SLCO3A1: variants seen among roughly 807,000 people sequenced by gnomAD.
SLCO3A1 encodes the protein solute carrier organic anion transporter family member 3A1.
Under a neutral mutation model 63.1 loss-of-function variants are expected in SLCO3A1, and 27 were observed. The ratio of observed to expected loss-of-function variants is 0.43; its 90% CI spans 0.32 to 0.59. The LOEUF (loss-of-function observed/expected upper bound fraction) is 0.59, where lower values mean the gene tolerates loss of function less well. SLCO3A1 is among the 20% of genes least tolerant of loss of function. The pLI is 0.09. For missense variants in SLCO3A1, 773 were observed against 945.8 expected (o/e 0.82, Z 2.40); for synonymous variants, 473 against 409.9 (o/e 1.15, Z -1.86).
chr15:91,911,977 A>AT (rs542970276), intron 1 of SLCO3A1, among the ~76,000 whole-genome samples: 11,809 of 147,872 alleles, frequency 0.08, 597 homozygotes, highest in Non-Finnish European at 0.11. Context: ...ATGCAAGCTG[A>AT]TTTTTTTTTT....
intron 2 of SLCO3A1, among the ~76,000 whole-genome samples, chr15:92,003,828 G>A (rs17596793): frequency 0.041 from 6,220 of 152,248 alleles, 191 homozygotes; most frequent in Non-Finnish European, 0.054. Context: ...TCGGATCACA[G>A]CCCTTGGCAG....
Position 92,128,384 on chromosome 15 carries a change from G to A in SLCO3A1, c.1407G>A (p.Ser469=), listed in dbSNP as rs149300624. The change falls in exon 7 of 10, where the codon TCG becomes TCA. Residue 469 remains serine (S), a synonymous_variant. Coordinates refer to ENST00000318445, the MANE Select transcript of SLCO3A1 (RefSeq NM_013272.4). ...TAPGSALDPY[S]PCNNNCECQT... is the part of the protein sequence containing the mutation. ...CTGGCTCAGCCCTGGACCCCTACTC[G>A]CCCTGCAATAATAACTGTGAATGCC... 180 of 1,614,054 alleles carry A rather than the reference G, an allele frequency of 1.1e-4. 1 individual carries two copies. In the African/African-American group the frequency reaches 1.2e-3, roughly 10 times the overall value.
rs1469515310 is a variant in SLCO3A1, at chr15:91,882,532, T to C, written c.180+28444T>C. On this transcript the variant is annotated intron_variant, in intron 1 of 9. Coordinates refer to ENST00000318445, the MANE Select transcript of SLCO3A1 (RefSeq NM_013272.4). The surrounding 1 kb of genome is among the most constrained non-coding windows in gnomAD (Gnocchi z 4.4). ...CTATGTATGACTTCTTTTTTTTCCT[T>C]GAGATGGAGTTTCACTCTGTCGCCC... Among the ~76,000 whole-genome samples, 1 of 151,852 alleles carries C rather than the reference T, an allele frequency of 6.6e-6. No homozygotes were observed. The highest frequency in any genetic ancestry group is 1.5e-5 in the Non-Finnish European group (1 of 67,966).
intron 2 of SLCO3A1, among the ~76,000 whole-genome samples, chr15:91,960,640 T>C (rs1900410822): frequency 6.6e-6 from 1 of 152,202 alleles, no homozygotes; most frequent in Non-Finnish European, 1.5e-5. Context: ...GAGTAATTTA[T>C]TCTTTTCTCA....
chr15:91,968,255 T>C lies in SLCO3A1; in HGVS notation c.646+51797T>C, dbSNP rs774673281. Among the ~76,000 whole-genome samples, 3 of 152,040 alleles carry C rather than the reference T, an allele frequency of 2.0e-5. No individual in the cohort carries two copies. The highest frequency in any genetic ancestry group is 1.3e-4 in the Admixed American group (2 of 15,270). ...ATGCCCCCTCCCTACCTTACAGTCT[T>C]TTACTTCTCCACCTGGGGAAAACAG... On this transcript the variant is annotated intron_variant, in intron 2 of 9. Coordinates refer to ENST00000318445, the MANE Select transcript of SLCO3A1 (RefSeq NM_013272.4). This position sits in a 1 kb window ranked among gnomAD's most constrained non-coding sequence, Gnocchi z 4.2.
Position 91,940,780 on chromosome 15 carries a change from A to G in SLCO3A1, c.646+24322A>G, listed in dbSNP as rs1041921058. ...ATGCCCTGTGTAAATCCCCCTTTCT[A>G]TGGGGAGATGTGAGTGAGTGAGTGG... is the stretch of plus-strand genomic sequence containing the variant. On this transcript the variant is annotated intron_variant, in intron 2 of 9. Coordinates refer to ENST00000318445, the MANE Select transcript of SLCO3A1 (RefSeq NM_013272.4). Among the ~76,000 whole-genome samples, 7 of 152,172 alleles carry G rather than the reference A, an allele frequency of 4.6e-5. No individual in the cohort carries two copies. In the East Asian group the frequency reaches 7.7e-4, roughly 17 times the overall value.
At chr15:92,114,563 A>T (rs2047769500) in intron 4 of SLCO3A1, among the ~76,000 whole-genome samples, 1 of 152,020 alleles carries the variant, frequency 6.6e-6, no homozygotes, top group Non-Finnish European at 1.5e-5. Flanking sequence ...CCTAGGGGTC[A>T]CCCCACCTTG....
chr15:91,947,892 T>A (rs535781070), intron 2 of SLCO3A1, among the ~76,000 whole-genome samples: 2 of 152,270 alleles, frequency 1.3e-5, no homozygotes, highest in African/African-American at 4.8e-5. Context: ...GGGGCTCTTA[T>A]TGACACACAG....
chr15:91,984,105 G>A (rs908973217), intron 2 of SLCO3A1, among the ~76,000 whole-genome samples: 11 of 152,124 alleles, frequency 7.2e-5, no homozygotes, highest in African/African-American at 1.9e-4. Flanking sequence ...ATTTGCAGTC[G>A]GTTATTCCCA....
chr15:92,031,676 A>G (rs2046650563), intron 2 of SLCO3A1, among the ~76,000 whole-genome samples: 1 of 152,228 alleles, frequency 6.6e-6, no homozygotes, highest in Admixed American at 6.5e-5. Flanking sequence ...TTTTGCGGGT[A>G]CATAGTAGGT....
intron 2 of SLCO3A1, among the ~76,000 whole-genome samples, chr15:92,006,476 A>G (rs2046314055): frequency 6.6e-6 from 1 of 152,168 alleles, no homozygotes; most frequent in South Asian, 2.1e-4. Context: ...CTAGAAGTCA[A>G]TCTCTGTGAG....
At chr15:92,003,630 G>A (rs1366936054) in intron 2 of SLCO3A1, among the ~76,000 whole-genome samples, 2 of 152,214 alleles carry the variant, frequency 1.3e-5, no homozygotes, top group Non-Finnish European at 2.9e-5. Flanking sequence ...TCAGGAGTTG[G>A]CAAATGAGAG....
In SLCO3A1 at chr15:92,128,443, A is replaced by G. The variant is rs978568576; in HGVS notation, c.1466A>G (p.Asp489Gly). 6.2e-7 allele frequency: 1 copy of G among 1,614,016 alleles called. No individual in the cohort carries two copies. Among genetic ancestry groups the G allele is most frequent in the Non-Finnish European group, 8.5e-7 (1 of 1,179,944 alleles). Residue 489 changes from aspartate to glycine, a missense_variant, in exon 7 of 10, where the codon GAT becomes GGT. By Grantham distance (94) the Asp-to-Gly change is moderately conservative. Transcript: ENST00000318445. ...TDSFTPVCGADGITYLSACFA... is the reference protein window; with the variant it reads ...TDSFTPVCGAGGITYLSACFA... Reference sequence around the variant, plus strand: ...TCCTTCACTCCAGTGTGTGGGGCAGATGGCATCACCTACCTGTCTGCCTGC... The same window carrying G: ...TCCTTCACTCCAGTGTGTGGGGCAGGTGGCATCACCTACCTGTCTGCCTGC...
chr15:91,975,454 C>T (rs1901065714), intron 2 of SLCO3A1, among the ~76,000 whole-genome samples: 1 of 152,216 alleles, frequency 6.6e-6, no homozygotes, highest in Admixed American at 6.5e-5. Flanking sequence ...CAGGAGGAAC[C>T]ATTGGCAGGA....
At chr15:92,048,535 C>T (rs2046918213) in intron 2 of SLCO3A1, among the ~76,000 whole-genome samples, 1 of 152,132 alleles carries the variant, frequency 6.6e-6, no homozygotes, top group African/African-American at 2.4e-5. Flanking sequence ...TGTCCCTGGC[C>T]TCTACTCACT....
chr15:92,148,752 C>CT (rs1431533107), intron 8 of SLCO3A1: 2 of 152,088 alleles, frequency 1.3e-5, no homozygotes, highest in African/African-American at 4.8e-5. Flanking sequence ...AGAAAGAGCT[C>CT]AATGCAGACA....
chr15:92,165,907 T>C, downstream of SLCO3A1: 1 of 985,226 alleles, frequency 1.0e-6, no homozygotes, highest in Non-Finnish European at 1.2e-6. Context: ...AAGTGAATGC[T>C]AGAGTTCTCT....
chr15:91,959,250 A>G (rs1246198814), intron 2 of SLCO3A1, among the ~76,000 whole-genome samples: 2 of 152,064 alleles, frequency 1.3e-5, no homozygotes, highest in East Asian at 3.9e-4. Context: ...ATAGAGAGAT[A>G]TAATGGACTC....
At chr15:91,969,075 G>T (rs1438822972) in intron 2 of SLCO3A1, among the ~76,000 whole-genome samples, 1 of 152,184 alleles carries the variant, frequency 6.6e-6, no homozygotes, top group African/African-American at 2.4e-5. Context: ...ACATACACCT[G>T]TGTCCCCGCT....
Sources: gnomAD v4.1 joint callset for allele counts (sites outside exome capture counted in the v4.1 genomes callset) on GRCh38, gnomAD v4.1.1 for gene constraint, Gnocchi (gnomAD v3.1) non-coding constraint, MANE v1.5 for transcripts, NCBI Gene and HGNC (gene_info 2026-07-23, HGNC 2026-07-21) for gene names.